The following RUFY3 variants were observed in gnomAD, a reference collection of about 807,000 sequenced individuals.
RUFY3 encodes RUN and FYVE domain containing 3.
In RUFY3, 34 loss-of-function variants were observed where a neutral mutation model predicts 84.0. That is an observed-to-expected ratio of 0.40 (90% confidence interval 0.31 to 0.54). The LOEUF (loss-of-function observed/expected upper bound fraction) is 0.54. Among genes scored for constraint, RUFY3 ranks in the 20% least tolerant of loss-of-function variants. RUFY3 has a pLI of 0.39. For synonymous variants in RUFY3, 242 were observed against 252.9 expected, an observed-to-expected ratio of 0.96 and a Z score of 0.41; for missense variants, 507 against 736.8, an observed-to-expected ratio of 0.69 and a Z score of 3.61.
chr4:70,744,521 T>C (rs1721853876), intron 1 of RUFY3, among the ~76,000 whole-genome samples: 2 of 152,096 alleles, frequency 1.3e-5, no homozygotes, highest in Admixed American at 6.6e-5. Flanking sequence ...TTTTAATAGA[T>C]AGAGTGTTAA....
chr4:70,762,937 A>G lies in RUFY3; in HGVS notation c.352+245A>G, dbSNP rs1288216547. Reference sequence around the variant, plus strand: ...CATTATAAGTAATCAAGTACAGTACAGTAGTTCTGTTTGACAGGTGGAAAT... The same window carrying G: ...CATTATAAGTAATCAAGTACAGTACGGTAGTTCTGTTTGACAGGTGGAAAT... On this transcript the variant is annotated intron_variant, in intron 2 of 17. Transcript: ENST00000381006. Among the ~76,000 whole-genome samples, 3 of 152,204 alleles carry G rather than the reference A, an allele frequency of 2.0e-5. No individual in the cohort carries two copies. In the East Asian group the frequency reaches 5.8e-4, roughly 29 times the overall value.
chr4:70,784,208 G>A (rs74615009), intron 9 of RUFY3, among the ~76,000 whole-genome samples: 4,092 of 152,344 alleles, frequency 0.027, 77 homozygotes, highest in Middle Eastern at 0.054. Context: ...CCTGGGCTGG[G>A]TGCAGTGGCT....
intron 9 of RUFY3, 146 bp from the exon 10 acceptor site, chr4:70,784,650 T>A (rs888726248): frequency 2.2e-6 from 1 of 457,082 alleles, no homozygotes; most frequent in Non-Finnish European, 3.8e-6. Flanking sequence ...TTTAAAAATG[T>A]ACTAGACTTC....
intron 1 of RUFY3, among the ~76,000 whole-genome samples, chr4:70,713,513 C>T (rs1271717783): frequency 1.3e-5 from 2 of 151,866 alleles, no homozygotes; most frequent in South Asian, 2.1e-4. Flanking sequence ...TGCTCCCTAC[C>T]GACCGGACAA....
intron 15 of RUFY3, among the ~76,000 whole-genome samples, chr4:70,800,573 T>C (rs1320062651): frequency 6.6e-6 from 1 of 152,230 alleles, no homozygotes; most frequent in Non-Finnish European, 1.5e-5. Flanking sequence ...ATGACTTGTT[T>C]CTACCTCTGT....
At position 70,759,140 on chromosome 4, in the gene RUFY3, T is replaced by C. The variant is rs1724558582; in HGVS notation, c.179-3379T>C. Among the ~76,000 whole-genome samples, 3 of 152,244 alleles carry C rather than the reference T, an allele frequency of 2.0e-5. No individual in the cohort carries two copies. In the South Asian group the frequency reaches 6.2e-4, roughly 32 times the overall value. On this transcript the variant is annotated intron_variant, in intron 1 of 17. Transcript: ENST00000381006. The stretch of plus-strand genomic sequence containing the variant: ...GTAGCTTTGCATCTGTTAACCAACC[T>C]CTCCCTATCTTCCCCTCCTCCATAC...
intron 1 of RUFY3, among the ~76,000 whole-genome samples, chr4:70,746,132 C>T (rs1722173229): frequency 6.6e-6 from 1 of 151,904 alleles, no homozygotes. Flanking sequence ...TCACTTGATG[C>T]CAGGAGTTCA....
chr4:70,748,209 A>G (rs976195562), intron 1 of RUFY3, among the ~76,000 whole-genome samples: 1 of 152,140 alleles, frequency 6.6e-6, no homozygotes, highest in Non-Finnish European at 1.5e-5. Flanking sequence ...CTCCATTAAT[A>G]TCCAAGTCTA....
At chr4:70,719,198 A>T (rs958873468), upstream of RUFY3, among the ~76,000 whole-genome samples, 2 of 152,070 alleles carry the variant, frequency 1.3e-5, no homozygotes, top group African/African-American at 4.8e-5. Context: ...AACACCTCAA[A>T]CTGGTAGATC....
At chr4:70,723,544 G>A (rs575905529) in intron 1 of RUFY3, among the ~76,000 whole-genome samples, 48 of 152,230 alleles carry the variant, frequency 3.2e-4, no homozygotes, top group African/African-American at 1.1e-3. Flanking sequence ...CAGGACTCTT[G>A]CTAATTTATG....
Position 70,763,682 on chromosome 4 carries a change from T to G in RUFY3, c.470+13T>G. 6.2e-7 allele frequency: 1 copy of G among 1,602,820 alleles called. No individual in the cohort carries two copies. The highest frequency in any genetic ancestry group is 8.5e-7 in the Non-Finnish European group (1 of 1,176,474). ...TTCCAGGACTTAAGTAAGTCTAAGG[T>G]TGAATTCCATTTCTCAGGAACAGCA... is the stretch of plus-strand genomic sequence containing the variant. On this transcript the variant is annotated intron_variant, in intron 3 of 17. Transcript: ENST00000381006.
chr4:70,778,578 T>C, intron 8 of RUFY3, 140 bp downstream of exon 8: 2 of 396,018 alleles, frequency 5.1e-6, no homozygotes, highest in Non-Finnish European at 4.3e-6. Context: ...TTATTCTTTT[T>C]TTTTTTTTTT....
At chr4:70,713,514 G>A (rs1002789175) in intron 1 of RUFY3, among the ~76,000 whole-genome samples, 6 of 151,952 alleles carry the variant, frequency 3.9e-5, no homozygotes, top group Middle Eastern at 3.4e-3. Flanking sequence ...GCTCCCTACC[G>A]ACCGGACAAG....
intron 10 of RUFY3, among the ~76,000 whole-genome samples, chr4:70,787,604 T>C (rs981992557): frequency 4.6e-5 from 7 of 152,090 alleles, no homozygotes; most frequent in African/African-American, 1.4e-4. Context: ...TATTTTGACA[T>C]CCTTAAAATA....
chr4:70,791,514 C>A, intron 12 of RUFY3: 1 of 1,356,868 alleles, frequency 7.4e-7, no homozygotes, highest in Non-Finnish European at 9.5e-7. Flanking sequence ...GGTATAAGTT[C>A]CTAATTAAAA....
intron 6 of RUFY3, among the ~76,000 whole-genome samples, 178 bp from the exon 7 acceptor site, chr4:70,774,990 C>A (rs977825318): frequency 6.6e-6 from 1 of 151,534 alleles, no homozygotes; most frequent in Non-Finnish European, 1.5e-5. Flanking sequence ...TTTTAAACTC[C>A]TGACTCTTTC....
Position 70,788,909 on chromosome 4 carries a change from T to C in RUFY3, c.1175T>C (p.Val392Ala). The C allele has an allele frequency of 5.0e-6, 8 of 1,614,166 alleles. No individual in the cohort carries two copies. Among genetic ancestry groups the C allele is most frequent in the Non-Finnish European group, 6.8e-6 (8 of 1,180,030 alleles). Residue 392 changes from valine (V) to alanine (A), a missense_variant, in exon 11 of 18, where the codon GTA becomes GCA. Around this residue, in one of 4 missense-constraint regions of RUFY3, gnomAD observed 334 missense variants for 364.1 expected, o/e 0.92. Coordinates refer to ENST00000381006, the MANE Select transcript of RUFY3 (RefSeq NM_001037442.4). ...GTCTGTGAGAAGCAGGATGCCCTGG[T>C]ATCTCTTCGGCAGCAGCTGGATGAC... Reference protein sequence around the residue: ...KDVCEKQDALVSLRQQLDDLR... With the variant: ...KDVCEKQDALASLRQQLDDLR...
chr4:70,727,704 T>C (rs1235682631), intron 1 of RUFY3, among the ~76,000 whole-genome samples: 2 of 150,458 alleles, frequency 1.3e-5, no homozygotes, highest in Non-Finnish European at 3.0e-5. Context: ...GGAGAATCGC[T>C]TGAACCCAGG....
chr4:70,760,554 A>AT (rs372477580), intron 1 of RUFY3, among the ~76,000 whole-genome samples: 2,667 of 137,958 alleles, frequency 0.019, 50 homozygotes, highest in African/African-American at 0.045. Context: ...CCCCAGCTCT[A>AT]TTTTTTTTTT....
Sources: allele counts gnomAD v4.1 joint callset (sites outside exome capture counted in the v4.1 genomes callset), GRCh38; gene constraint gnomAD v4.1.1; regional missense constraint gnomAD v4.1.1; transcripts MANE v1.5; gene names NCBI Gene and HGNC (gene_info 2026-07-23, HGNC 2026-07-21).